The following UTRN variants were observed in gnomAD, a reference collection of about 807,000 sequenced individuals.
The protein encoded by UTRN is dystrophin-related protein 1.
In UTRN, 283 loss-of-function variants were observed where a neutral mutation model predicts 463.9. The ratio of observed to expected loss-of-function variants is 0.61; its 90% CI spans 0.55 to 0.67. The LOEUF is 0.67. Ranked by LOEUF, UTRN falls within the 30% of genes least tolerant of loss-of-function variation. The probability of loss-of-function intolerance (pLI) is 0.00; values close to 1 mark genes in which losing one functional copy is unlikely to be tolerated. For synonymous variants in UTRN, 1,442 were observed against 1,431.5 expected, an observed-to-expected ratio of 1.01 and a Z score of -0.17; for missense variants, 3,922 against 4,084.3, an observed-to-expected ratio of 0.96 and a Z score of 1.08.
intron 39 of UTRN, among the ~76,000 whole-genome samples, chr6:144,520,778 C>G (rs1482434849): frequency 6.6e-6 from 1 of 152,164 alleles, no homozygotes; most frequent in Non-Finnish European, 1.5e-5. Flanking sequence ...TACCTATCAT[C>G]TTGAATTTAC....
intron 9 of UTRN, 24 bp from the exon 10 acceptor site, chr6:144,435,900 ATTAGTGTGGGT>A (rs1193086987): frequency 6.2e-7 from 1 of 1,606,846 alleles, no homozygotes; most frequent in African/African-American, 1.3e-5. Flanking sequence ...TGCTTTGATG[ATTAGTGTGGGT>A]TTTTCTTGGC....
At chr6:144,433,783 A>G (rs1187469304) in intron 9 of UTRN, among the ~76,000 whole-genome samples, 1 of 141,448 alleles carries the variant, frequency 7.1e-6, no homozygotes, top group Non-Finnish European at 1.5e-5. Flanking sequence ...CCTAGATGGG[A>G]TGGCGGCCGG....
intron 2 of UTRN, among the ~76,000 whole-genome samples, chr6:144,392,543 C>T (rs1018429513): frequency 6.6e-6 from 1 of 152,206 alleles, no homozygotes; most frequent in East Asian, 1.9e-4. Context: ...GCACATTTCT[C>T]ATATTCATTA....
intron 52 of UTRN, among the ~76,000 whole-genome samples, chr6:144,685,657 A>G (rs183208186): frequency 1.8e-3 from 272 of 152,218 alleles, no homozygotes; most frequent in African/African-American, 6.3e-3. Flanking sequence ...CCAGTTGTAT[A>G]TCTTCTTTTG....
chr6:144,429,316 A>C (rs938527847), intron 8 of UTRN, among the ~76,000 whole-genome samples: 7 of 152,266 alleles, frequency 4.6e-5, no homozygotes, highest in Admixed American at 2.6e-4. Flanking sequence ...CTTTATCTTA[A>C]ATGGTAACAT....
intron 41 of UTRN, among the ~76,000 whole-genome samples, chr6:144,530,773 T>A (rs180691972): frequency 6.6e-6 from 1 of 152,126 alleles, no homozygotes; most frequent in Non-Finnish European, 1.5e-5. Context: ...TGTGCATGTG[T>A]GTATACGTGA....
At chr6:144,415,755 C>T (rs1173167979) in intron 3 of UTRN, among the ~76,000 whole-genome samples, 3 of 152,168 alleles carry the variant, frequency 2.0e-5, no homozygotes, top group South Asian at 2.1e-4. Context: ...TGGAATTATT[C>T]TGGCTCTTAC....
Position 144,499,341 on chromosome 6 carries a change from C to G in UTRN, c.4678C>G (p.Leu1560Val), listed in dbSNP as rs764573621. 6.3e-5 allele frequency: 101 copies of G among 1,613,812 alleles called. No individual in the cohort carries two copies. Among genetic ancestry groups the G allele is most frequent in the Non-Finnish European group, 8.2e-5 (97 of 1,179,896 alleles). Residue 1560 changes from leucine (L) to valine (V), a missense_variant, in exon 34 of 75, where the codon CTT (leucine) becomes GTT (valine). Transcript: ENST00000367545. The part of the protein sequence containing the change: ...KKEAASLSEW[L>V]SATETELVQK... ...AGAGGCTGCTTCTCTCTCTGAATGGCTTTCTGCTACTGAAACTGAATTGGT... is the reference window on the plus strand; with the variant it reads ...AGAGGCTGCTTCTCTCTCTGAATGGGTTTCTGCTACTGAAACTGAATTGGT...
intron 65 of UTRN, among the ~76,000 whole-genome samples, chr6:144,809,003 ATT>A (rs1342107211): frequency 6.6e-6 from 1 of 151,902 alleles, no homozygotes; most frequent in East Asian, 1.9e-4. Flanking sequence ...TAATGATTTT[ATT>A]TTCTTTGGAT....
In UTRN at chr6:144,554,787, A is replaced by G. The variant is rs1211731855; in HGVS notation, c.7028A>G (p.Asp2343Gly). ...DMIIDSLQWD[D>G]HREETEELMR... is the part of the protein sequence containing the mutation. ...ATTATTGACAGTCTTCAGTGGGATG[A>G]CCATAGGGAGGAGACTGAAGAACTG... The change falls in exon 49 of 75, where the codon GAC becomes GGC. Residue 2343 changes from aspartate to glycine, a missense_variant. By Grantham distance (94) the Asp-to-Gly change is moderately conservative. This residue lies in a region of UTRN where 1,309 missense variants were observed against 1,452.6 expected (regional missense o/e 0.90). Transcript: ENST00000367545. The G allele has an allele frequency of 6.2e-7, 1 of 1,614,056 alleles. No individual in the cohort carries two copies.
chr6:144,614,452 A>G (rs1397160439), intron 51 of UTRN, among the ~76,000 whole-genome samples: 2 of 152,130 alleles, frequency 1.3e-5, no homozygotes, highest in Non-Finnish European at 2.9e-5. Context: ...CGCTAGGTTA[A>G]ATACATCCCT....
intron 2 of UTRN, among the ~76,000 whole-genome samples, chr6:144,393,044 C>T (rs1782081334): frequency 6.9e-6 from 1 of 145,654 alleles, no homozygotes; most frequent in Non-Finnish European, 1.5e-5. Context: ...TCCATCCATC[C>T]ATCCATTCAT....
intron 53 of UTRN, 37 bp from the exon 54 acceptor site, chr6:144,730,320 G>A (rs1788382300): frequency 1.3e-6 from 2 of 1,536,482 alleles, no homozygotes; most frequent in Non-Finnish European, 1.8e-6. Context: ...GTGAACACGT[G>A]AGGTTACAAA....
rs192436043 is a variant in UTRN at position 144,446,330 on chromosome 6, T to C, written c.1615-881T>C. Reference sequence around the variant, plus strand: ...TGGCATCATTATTTATGTGCATATCTTACCAGCCTCACTAGACTGAGGACA... The same window carrying C: ...TGGCATCATTATTTATGTGCATATCCTACCAGCCTCACTAGACTGAGGACA... On this transcript the variant is annotated intron_variant, in intron 14 of 74. Transcript: ENST00000367545. Among the ~76,000 whole-genome samples the C allele has an allele frequency of 2.0e-5, 3 of 152,308 alleles. 1 individual carries two copies. The East Asian group carries it at 5.8e-4, about 29-fold the overall frequency.
intron 57 of UTRN, among the ~76,000 whole-genome samples, chr6:144,755,313 C>T (rs934020394): frequency 1.3e-5 from 2 of 152,198 alleles, no homozygotes; most frequent in South Asian, 2.1e-4. Context: ...GTAGCCAAAC[C>T]ACCTATGCAG....
intron 2 of UTRN, among the ~76,000 whole-genome samples, chr6:144,305,792 G>A (rs542737417): frequency 8.1e-4 from 124 of 152,334 alleles, no homozygotes; most frequent in African/African-American, 2.8e-3. Flanking sequence ...GTGAAAATCT[G>A]GGCAAGGTAA....
At chr6:144,296,885 G>A (rs1448037077) in intron 2 of UTRN, among the ~76,000 whole-genome samples, 2 of 152,192 alleles carry the variant, frequency 1.3e-5, no homozygotes, top group Admixed American at 1.3e-4. Context: ...AAGAGACACA[G>A]CCTACTGCTT....
intron 54 of UTRN, among the ~76,000 whole-genome samples, chr6:144,732,215 T>TATATATATATATATATATATATAC (rs1479869578): frequency 6.8e-5 from 2 of 29,236 alleles, no homozygotes; most frequent in Non-Finnish European, 1.0e-4. Flanking sequence ...TACTCTGTTT[T>TATATATATATATATATATATATAC]ATATATATAT....
intron 2 of UTRN, among the ~76,000 whole-genome samples, chr6:144,360,547 G>T (rs9390166): frequency 1.3e-5 from 2 of 151,928 alleles, no homozygotes; most frequent in Non-Finnish European, 2.9e-5. Flanking sequence ...ACTCCCTGCT[G>T]TCAGTACTTC....
Sources: allele counts gnomAD v4.1 joint callset (sites outside exome capture counted in the v4.1 genomes callset), GRCh38; gene constraint gnomAD v4.1.1; regional missense constraint gnomAD v4.1.1; transcripts MANE v1.5; gene names NCBI Gene and HGNC (gene_info 2026-07-23, HGNC 2026-07-21).